The following NARS2 variants were observed in gnomAD, a reference collection of about 807,000 sequenced individuals.
NARS2 encodes the protein asparaginyl-tRNA synthetase.
Under a neutral mutation model 62.9 loss-of-function variants are expected in NARS2, and 60 were observed. The observed-to-expected ratio is 0.95, with a 90% confidence interval of 0.77 to 1.18. The LOEUF (loss-of-function observed/expected upper bound fraction) is 1.18, where lower values mean the gene tolerates loss of function less well. NARS2 is among the 50% of genes most tolerant of loss of function. The probability of loss-of-function intolerance (pLI) is 0.00; values close to 1 mark genes in which losing one functional copy is unlikely to be tolerated. For synonymous variants in NARS2, 196 were observed against 200.0 expected (o/e 0.98, Z 0.17); for missense variants, 619 against 576.4 (o/e 1.07, Z -0.76).
At chr11:78,486,665 C>G (rs1051612085) in intron 7 of NARS2, among the ~76,000 whole-genome samples, 3 of 152,096 alleles carry the variant, frequency 2.0e-5, no homozygotes, top group Non-Finnish European at 4.4e-5. Flanking sequence ...TTAACAGAAC[C>G]CAGAGTGTCA....
intron 4 of NARS2, among the ~76,000 whole-genome samples, chr11:78,564,715 G>C (rs4944209): frequency 0.89 from 135,741 of 152,260 alleles, 61,085 homozygotes; most frequent in African/African-American, 0.98. Flanking sequence ...GGTTCAAGCA[G>C]TACTGAAAAT....
At chr11:78,521,516 C>T (rs1002656143) in intron 6 of NARS2, among the ~76,000 whole-genome samples, 6 of 151,936 alleles carry the variant, frequency 3.9e-5, no homozygotes, top group Non-Finnish European at 8.8e-5. Flanking sequence ...CGGGGCCGGG[C>T]GCGGTGGCTC....
At position 78,563,885 on chromosome 11, in the gene NARS2, G is replaced by GTATTATTATTATTATTAT. The variant is rs550249150; in HGVS notation, c.513+2229_513+2246dup. On this transcript the variant is annotated intron_variant, in intron 4 of 13. Transcript: ENST00000281038. Reference sequence around the variant, plus strand: ...ATATATATATGTATACACACACACAGTATTATTATTATTATTATTATTATT... The same window carrying GTATTATTATTATTATTAT: ...ATATATATATGTATACACACACACAGTATTATTATTATTATTATTATTATTATTATTATTATTATTATT... Among the ~76,000 whole-genome samples the GTATTATTATTATTATTAT allele has an allele frequency of 3.9e-3, 323 of 82,048 alleles. 13 individuals are homozygous for GTATTATTATTATTATTAT. Among genetic ancestry groups the GTATTATTATTATTATTAT allele is most frequent in the African/African-American group, 0.014 (308 of 21,544 alleles). 53.8% of individuals were successfully genotyped at this position (82,048 alleles called of 152,430 possible). A position where few individuals can be genotyped will look rare whatever the true frequency, so the allele number is the denominator to read the frequency against.
chr11:78,563,051 C>A (rs1422945968), intron 4 of NARS2, among the ~76,000 whole-genome samples: 1 of 152,000 alleles, frequency 6.6e-6, no homozygotes, highest in Non-Finnish European at 1.5e-5. Context: ...CTAAGTATCA[C>A]ACATAAAGGT....
chr11:78,540,648 G>A (rs1210946448), intron 5 of NARS2, among the ~76,000 whole-genome samples: 1 of 152,152 alleles, frequency 6.6e-6, no homozygotes, highest in Admixed American at 6.5e-5. Flanking sequence ...GATGAAGCAT[G>A]GTTCAGAAAT....
chr11:78,457,175 T>C (rs1275092596), intron 11 of NARS2, among the ~76,000 whole-genome samples: 7 of 152,206 alleles, frequency 4.6e-5, no homozygotes, highest in Admixed American at 4.6e-4. Context: ...ATACCTTCAT[T>C]TCTACTGAGA....
At chr11:78,476,507 C>T (rs1259260765) in intron 9 of NARS2, among the ~76,000 whole-genome samples, 3 of 152,228 alleles carry the variant, frequency 2.0e-5, no homozygotes, top group African/African-American at 7.2e-5. Context: ...CCTTCTAATG[C>T]ACTTTTTGCT....
At chr11:78,544,416 T>C (rs1319417432) in intron 5 of NARS2, among the ~76,000 whole-genome samples, 1 of 152,204 alleles carries the variant, frequency 6.6e-6, no homozygotes, top group Non-Finnish European at 1.5e-5. Flanking sequence ...AATTGTATTA[T>C]TTTAATATGC....
At chr11:78,533,777 C>A (rs4945288) in intron 5 of NARS2, among the ~76,000 whole-genome samples, 98,831 of 151,994 alleles carry the variant, frequency 0.65, 35,572 homozygotes, top group Non-Finnish European at 0.82. Context: ...AGTTTCACTG[C>A]CCTAAAAATA....
Position 78,436,529 on chromosome 11 carries a change from A to AT in NARS2, c.*140dup, listed in dbSNP as rs151249725. The stretch of plus-strand genomic sequence containing the variant: ...TTCTAAGAAAATCACAACCACTTAT[A>AT]TTTTTTCTATGATATCTTATGGCAC... On this transcript the variant is annotated 3_prime_UTR_variant, in exon 14 of 14. Coordinates refer to ENST00000281038, the MANE Select transcript of NARS2 (RefSeq NM_024678.6). 1,294 of 1,044,866 alleles carry AT rather than the reference A, an allele frequency of 1.2e-3. 16 individuals are homozygous for AT. In the African/African-American group the frequency reaches 0.019, roughly 16 times the overall value. 64.7% of individuals were successfully genotyped at this position (1,044,866 alleles called of 1,614,324 possible). A position where few individuals can be genotyped will look rare whatever the true frequency, so the allele number is the denominator to read the frequency against.
At chr11:78,528,701 T>C (rs963025681) in intron 6 of NARS2, 141 bp downstream of exon 6, 7 of 618,850 alleles carry the variant, frequency 1.1e-5, no homozygotes, top group South Asian at 1.9e-5. Flanking sequence ...GTACTACAAG[T>C]AAGAAGCTTA....
chr11:78,450,919 T>G (rs937832197), intron 11 of NARS2, among the ~76,000 whole-genome samples: 3 of 152,126 alleles, frequency 2.0e-5, no homozygotes, highest in Non-Finnish European at 4.4e-5. Flanking sequence ...TGACCTCAAG[T>G]GATCTGCCCA....
chr11:78,446,013 T>A (rs1293242971), intron 11 of NARS2, among the ~76,000 whole-genome samples: 2 of 152,188 alleles, frequency 1.3e-5, no homozygotes, highest in Non-Finnish European at 2.9e-5. Flanking sequence ...GACTTTCCTG[T>A]CTTTTGGGCA....
At chr11:78,447,167 G>A (rs764185359) in intron 11 of NARS2, among the ~76,000 whole-genome samples, 1 of 136,938 alleles carries the variant, frequency 7.3e-6, no homozygotes. Flanking sequence ...ACCTGTTAGT[G>A]TTTTTTTTTT....
chr11:78,541,592 TC>T (rs1855624046), intron 5 of NARS2, among the ~76,000 whole-genome samples: 2 of 151,918 alleles, frequency 1.3e-5, no homozygotes, highest in Non-Finnish European at 2.9e-5. Context: ...TGCCTGTAAT[TC>T]CAGCTACTCG....
Position 78,511,177 on chromosome 11 carries a change from A to C in NARS2, c.689+17665T>G, listed in dbSNP as rs895309523. 3.3e-5 allele frequency among the ~76,000 whole-genome samples: 5 copies of C among 152,182 alleles called. 1 individual carries two copies. Among genetic ancestry groups the C allele is most frequent in the African/African-American group, 1.2e-4 (5 of 41,444 alleles). On this transcript the variant is annotated intron_variant, in intron 6 of 13. Coordinates refer to ENST00000281038, the MANE Select transcript of NARS2 (RefSeq NM_024678.6). The stretch of plus-strand genomic sequence containing the variant: ...ACTGCAGCCTTGACCTCCTAGGCTC[A>C]AGTGATCCTCCTTCCTCAGCTTTCT...
At chr11:78,469,522 TAC>T (rs1473045409) in intron 9 of NARS2, among the ~76,000 whole-genome samples, 2 of 152,204 alleles carry the variant, frequency 1.3e-5, no homozygotes, top group Non-Finnish European at 2.9e-5. Flanking sequence ...ACTTGCAATA[TAC>T]ACAGTGAAGC....
At chr11:78,542,248 G>A (rs1855647757) in intron 5 of NARS2, among the ~76,000 whole-genome samples, 1 of 152,194 alleles carries the variant, frequency 6.6e-6, no homozygotes, top group Non-Finnish European at 1.5e-5. Flanking sequence ...TGAGCAGTCT[G>A]AGAAAGAATG....
chr11:78,450,947 C>T (rs773857332), intron 11 of NARS2, among the ~76,000 whole-genome samples: 1 of 152,186 alleles, frequency 6.6e-6, no homozygotes, highest in Non-Finnish European at 1.5e-5. Context: ...CTCCAAAGTG[C>T]TGGGATTACA....
Sources: allele counts gnomAD v4.1 joint callset (sites outside exome capture counted in the v4.1 genomes callset), GRCh38; gene constraint gnomAD v4.1.1; transcripts MANE v1.5; gene names NCBI Gene and HGNC (gene_info 2026-07-23, HGNC 2026-07-21).